RNASEH2C: variants seen among roughly 807,000 people sequenced by gnomAD.
RNASEH2C encodes ribonuclease H2 subunit C.
RNASEH2C carries 20 observed loss-of-function variants against 16.3 expected under a neutral mutation model. The ratio of observed to expected loss-of-function variants is 1.23; its 90% CI spans 0.86 to 1.79. The LOEUF (loss-of-function observed/expected upper bound fraction) is 1.79, where lower values mean the gene tolerates loss of function less well. Ranked by LOEUF, RNASEH2C falls within the 40% of genes most tolerant of loss-of-function variation. The probability of loss-of-function intolerance (pLI) is 0.00; values close to 1 mark genes in which losing one functional copy is unlikely to be tolerated. For missense variants in RNASEH2C, 296 were observed against 235.9 expected (o/e 1.25, Z -1.67); for synonymous variants, 106 against 98.9 (o/e 1.07, Z -0.43).
At position 65,719,655 on chromosome 11, in the gene RNASEH2C, A is replaced by G. The variant is rs957108474; in HGVS notation, c.*128T>C. 2 of 955,166 alleles carry G rather than the reference A, an allele frequency of 2.1e-6. No homozygotes were observed. The highest frequency in any genetic ancestry group is 3.2e-5 in the African/African-American group (2 of 62,308). 59.2% of individuals were successfully genotyped at this position (955,166 alleles called of 1,614,324 possible). A position where few individuals can be genotyped will look rare whatever the true frequency, so the allele number is the denominator to read the frequency against. On this transcript the variant is annotated 3_prime_UTR_variant, in exon 4 of 4. Transcript: ENST00000308418. ...AGGGGGAAAGGGCCCATGCTGGCTT[A>G]GGGGCTCTAAGGCGCCCAGACTCAC...
Position 65,718,878 on chromosome 11 carries a change from T to G in RNASEH2C, c.*905A>C. 1 of 1,614,092 alleles carries G rather than the reference T, an allele frequency of 6.2e-7. No homozygotes were observed. Among genetic ancestry groups the G allele is most frequent in the Non-Finnish European group, 8.5e-7 (1 of 1,180,000 alleles). The stretch of plus-strand genomic sequence containing the variant: ...TGACCTGTGCTCTCCCACAGTGAGA[T>G]TAGTGAAATCACCAGCATCAAGAAG... On this transcript the variant is annotated 3_prime_UTR_variant, in exon 4 of 4. Transcript: ENST00000308418.
At chr11:65,720,548 G>C (rs1034069835) in intron 1 of RNASEH2C, 39 bp downstream of exon 1, 1 of 1,518,294 alleles carries the variant, frequency 6.6e-7, no homozygotes, top group Non-Finnish European at 8.8e-7. Flanking sequence ...AGGCCGGCGC[G>C]GGGGCTGCCG....
At position 65,718,251 on chromosome 11, in the gene RNASEH2C, C is replaced by A; in HGVS notation, c.*1532G>T. ...TCCTTACATGGCTAGACACAGAGCC[C>A]GGGATGGCAAAGGAAAATTGGAGGC... On this transcript the variant is annotated 3_prime_UTR_variant, in exon 4 of 4. Transcript: ENST00000308418. The A allele has an allele frequency of 4.2e-6, 1 of 235,600 alleles. No individual in the cohort carries two copies. The highest frequency in any genetic ancestry group is 8.4e-6 in the Non-Finnish European group (1 of 119,374). The allele number at this position is 235,600 out of a possible 1,614,324, so 14.6% of individuals were successfully genotyped here.
rs544178067 is a variant in RNASEH2C, at chr11:65,718,309, C to A, written c.*1474G>T. 46 of 344,156 alleles carry A rather than the reference C, an allele frequency of 1.3e-4. 1 individual carries two copies. In the South Asian group the frequency reaches 1.9e-3, roughly 14 times the overall value. 21.3% of individuals were successfully genotyped at this position (344,156 alleles called of 1,614,324 possible). A position where few individuals can be genotyped will look rare whatever the true frequency, so the allele number is the denominator to read the frequency against. Reference sequence around the variant, plus strand: ...TCCCATGAGCCATTTTCTCTGCATCCCCTGCCCATAAGCCTTCACTGGCCT... The same window carrying A: ...TCCCATGAGCCATTTTCTCTGCATCACCTGCCCATAAGCCTTCACTGGCCT... On this transcript the variant is annotated 3_prime_UTR_variant, in exon 4 of 4. Transcript: ENST00000308418.
rs1438510301 is a variant in RNASEH2C at position 65,717,821 on chromosome 11, C to T, written c.*1962G>A. On this transcript the variant is annotated 3_prime_UTR_variant, in exon 4 of 4. Coordinates refer to ENST00000308418, the MANE Select transcript of RNASEH2C (RefSeq NM_032193.4). The stretch of plus-strand genomic sequence containing the variant: ...CAATGGAGACGGGATGTGAGTGGGA[C>T]CAGCAAGGGGCTAAGGTCCATTATG... 1 of 152,532 alleles carries T rather than the reference C, an allele frequency of 6.6e-6. No individual in the cohort carries two copies. 9.4% of individuals were successfully genotyped at this position (152,532 alleles called of 1,614,324 possible). A position where few individuals can be genotyped will look rare whatever the true frequency, so the allele number is the denominator to read the frequency against.
rs376685881 is a variant in RNASEH2C at position 65,718,824 on chromosome 11, T to C, written c.*959A>G. ...CCTGGGCTTTCTCTCTCAGGGCTCC[T>C]GGGGACAGATAAAGGTCCTCAGGGA... On this transcript the variant is annotated 3_prime_UTR_variant, in exon 4 of 4. Transcript: ENST00000308418. 5.3e-5 allele frequency: 85 copies of C among 1,613,392 alleles called. No homozygotes were observed. The highest frequency in any genetic ancestry group is 5.1e-4 in the East Asian group (23 of 44,892).
Position 65,719,158 on chromosome 11 carries a change from T to C in RNASEH2C, c.*625A>G. The C allele has an allele frequency of 6.2e-7, 1 of 1,614,114 alleles. No individual in the cohort carries two copies. The highest frequency in any genetic ancestry group is 8.5e-7 in the Non-Finnish European group (1 of 1,180,020). ...GTGTCTGCACTTCACTCCCAAGGAC[T>C]GGAGCAAGAGGGGGAAGTGGTGACC... On this transcript the variant is annotated 3_prime_UTR_variant, in exon 4 of 4. Transcript: ENST00000308418.
At position 65,718,524 on chromosome 11, in the gene RNASEH2C, G is replaced by A; in HGVS notation, c.*1259C>T. On this transcript the variant is annotated 3_prime_UTR_variant, in exon 4 of 4. Coordinates refer to ENST00000308418, the MANE Select transcript of RNASEH2C (RefSeq NM_032193.4). Reference sequence around the variant, plus strand: ...TAGGCAGCCTGCCTTGGCAACCTGTGTTTTTAAATGTTGCTTATGTTCATC... The same window carrying A: ...TAGGCAGCCTGCCTTGGCAACCTGTATTTTTAAATGTTGCTTATGTTCATC... 1.3e-6 allele frequency: 2 copies of A among 1,547,034 alleles called. No individual in the cohort carries two copies. Among genetic ancestry groups the A allele is most frequent in the Admixed American group, 1.8e-5 (1 of 54,802 alleles).
chr11:65,720,210 G>A (rs1857348551), intron 2 of RNASEH2C, 32 bp downstream of exon 2: 2 of 1,614,236 alleles, frequency 1.2e-6, no homozygotes, highest in South Asian at 1.1e-5. Context: ...GCTCCCGCCC[G>A]CACCCCCTTT....
chr11:65,719,097 G>A lies in RNASEH2C; in HGVS notation c.*686C>T. ...AGGACATCGTGGATGGCCATGAGCG[G>A]GCCATGCTCAAGCGGCTCCTGCGGA... On this transcript the variant is annotated 3_prime_UTR_variant, in exon 4 of 4. Coordinates refer to ENST00000308418, the MANE Select transcript of RNASEH2C (RefSeq NM_032193.4). 6.2e-7 allele frequency: 1 copy of A among 1,614,194 alleles called. No individual in the cohort carries two copies. Among genetic ancestry groups the A allele is most frequent in the Non-Finnish European group, 8.5e-7 (1 of 1,180,028 alleles).
In RNASEH2C at chr11:65,719,602, C is replaced by A; in HGVS notation, c.*181G>T. ...CCCGGCAATAAATTGTTTCTATATG[C>A]CAGAGCCATGCAAAGTTCTTGGTGG... On this transcript the variant is annotated 3_prime_UTR_variant, in exon 4 of 4. Coordinates refer to ENST00000308418, the MANE Select transcript of RNASEH2C (RefSeq NM_032193.4). 2.8e-6 allele frequency: 2 copies of A among 727,186 alleles called. No individual in the cohort carries two copies. The highest frequency in any genetic ancestry group is 4.9e-6 in the Non-Finnish European group (2 of 411,162). 45.0% of individuals were successfully genotyped at this position (727,186 alleles called of 1,614,324 possible).
Position 65,718,962 on chromosome 11 carries a change from G to A in RNASEH2C, c.*821C>T. On this transcript the variant is annotated 3_prime_UTR_variant, in exon 4 of 4. Coordinates refer to ENST00000308418, the MANE Select transcript of RNASEH2C (RefSeq NM_032193.4). Reference sequence around the variant, plus strand: ...CTCATCAACTACTACAAGGTAGGGAGGCAGGCAGGGGAGACAGGTGTGTGG... The same window carrying A: ...CTCATCAACTACTACAAGGTAGGGAAGCAGGCAGGGGAGACAGGTGTGTGG... 1 of 1,614,136 alleles carries A rather than the reference G, an allele frequency of 6.2e-7. No individual in the cohort carries two copies. Among genetic ancestry groups the A allele is most frequent in the African/African-American group, 1.3e-5 (1 of 75,058 alleles).
chr11:65,720,018 G>T, intron 3 of RNASEH2C, 27 bp downstream of exon 3: 1 of 1,611,768 alleles, frequency 6.2e-7, no homozygotes, highest in Non-Finnish European at 8.5e-7. Context: ...CCACCCGGGG[G>T]CAAGACGGAA....
Position 65,720,065 on chromosome 11 carries a change from A to G in RNASEH2C, c.448T>C (p.Trp150Arg), listed in dbSNP as rs770225181. 4.3e-6 allele frequency: 7 copies of G among 1,613,980 alleles called. No individual in the cohort carries two copies. The highest frequency in any genetic ancestry group is 1.3e-5 in the African/African-American group (1 of 75,058). ...PDAKVRGALT[W>R]PSLAAAIHAQ... ...CTCACCGCTGCCGCAAGGCTGGGCC[A>G]AGTTAAGGCCCCACGCACTTTGGCA... is the stretch of plus-strand genomic sequence containing the variant. Residue 150 changes from tryptophan (W) to arginine (R), a missense_variant, in exon 3 of 4, where the codon TGG (tryptophan) becomes CGG (arginine). Transcript: ENST00000308418.
In RNASEH2C at chr11:65,718,838, G is replaced by A. The variant is rs1408465090; in HGVS notation, c.*945C>T. ...CTCAGGGCTCCTGGGGACAGATAAAGGTCCTCAGGGAACCTGACCTGTGCT... is the reference window on the plus strand; with the variant it reads ...CTCAGGGCTCCTGGGGACAGATAAAAGTCCTCAGGGAACCTGACCTGTGCT... On this transcript the variant is annotated 3_prime_UTR_variant, in exon 4 of 4. Coordinates refer to ENST00000308418, the MANE Select transcript of RNASEH2C (RefSeq NM_032193.4). 1.9e-6 allele frequency: 3 copies of A among 1,612,352 alleles called. No homozygotes were observed. Among genetic ancestry groups the A allele is most frequent in the South Asian group, 1.1e-5 (1 of 91,050 alleles).
chr11:65,719,773 G>C lies in RNASEH2C; in HGVS notation c.*10C>G. ...AAGGGATCGCAGCTTTGAATTTCAA[G>C]CTCTGGTTCTCAGTCCTCGGGCACC... On this transcript the variant is annotated 3_prime_UTR_variant, in exon 4 of 4. Coordinates refer to ENST00000308418, the MANE Select transcript of RNASEH2C (RefSeq NM_032193.4). 6.2e-7 allele frequency: 1 copy of C among 1,614,056 alleles called. No homozygotes were observed. The highest frequency in any genetic ancestry group is 8.5e-7 in the Non-Finnish European group (1 of 1,179,958).
rs1857254870 is a variant in RNASEH2C, at chr11:65,717,850, G to C, written c.*1933C>G. 2 of 152,558 alleles carry C rather than the reference G, an allele frequency of 1.3e-5. No homozygotes were observed. The highest frequency in any genetic ancestry group is 4.8e-5 in the African/African-American group (2 of 41,448). The allele number at this position is 152,558 out of a possible 1,614,324, so 9.5% of individuals were successfully genotyped here. Reference sequence around the variant, plus strand: ...CAAGGGGCTAAGGTCCATTATGAGGGTGAGGAAGGGCTTCTAGAAGTAACA... The same window carrying C: ...CAAGGGGCTAAGGTCCATTATGAGGCTGAGGAAGGGCTTCTAGAAGTAACA... On this transcript the variant is annotated 3_prime_UTR_variant, in exon 4 of 4. Transcript: ENST00000308418.
Position 65,719,603 on chromosome 11 carries a change from C to T in RNASEH2C, c.*180G>A, listed in dbSNP as rs563118937. On this transcript the variant is annotated 3_prime_UTR_variant, in exon 4 of 4. Coordinates refer to ENST00000308418, the MANE Select transcript of RNASEH2C (RefSeq NM_032193.4). ...CCGGCAATAAATTGTTTCTATATGC[C>T]AGAGCCATGCAAAGTTCTTGGTGGG... 1.4e-6 allele frequency: 1 copy of T among 727,372 alleles called. No homozygotes were observed. The highest frequency in any genetic ancestry group is 1.8e-5 in the African/African-American group (1 of 56,904). 45.1% of individuals were successfully genotyped at this position (727,372 alleles called of 1,614,324 possible).
chr11:65,720,649 G>A lies in RNASEH2C; in HGVS notation c.110C>T (p.Ala37Val), dbSNP rs868422955. The A allele has an allele frequency of 2.5e-6, 4 of 1,577,962 alleles. No homozygotes were observed. The highest frequency in any genetic ancestry group is 1.1e-5 in the South Asian group (1 of 87,058). The change falls in exon 1 of 4, where the codon GCG becomes GTG. Residue 37 changes from alanine (A) to valine (V), a missense_variant. Transcript: ENST00000308418. Reference sequence around the variant, plus strand: ...CCCCACCGGGGCGGGCCCGTCCACCGCAACCTCGCAGGGCAGCAGATGCAG... The same window carrying A: ...CCCCACCGGGGCGGGCCCGTCCACCACAACCTCGCAGGGCAGCAGATGCAG... Reference protein sequence around the residue: ...ATLHLLPCEVAVDGPAPVGRF... With the variant: ...ATLHLLPCEVVVDGPAPVGRF...
Sources: gnomAD v4.1 joint callset for allele counts on GRCh38, gnomAD v4.1.1 for gene constraint, MANE v1.5 for transcripts, NCBI Gene and HGNC (gene_info 2026-07-23, HGNC 2026-07-21) for gene names.